AP1M1: variants seen among roughly 807,000 people sequenced by gnomAD.
The protein encoded by AP1M1 is AP-1 complex subunit mu-1.
A neutral mutation model predicts 57.1 loss-of-function variants in AP1M1; 18 were observed. That is an observed-to-expected ratio of 0.32 (90% CI 0.22 to 0.47). The LOEUF (loss-of-function observed/expected upper bound fraction) is 0.47, where lower values mean the gene tolerates loss of function less well. AP1M1 is among the 20% of genes least tolerant of loss of function. The pLI is 1.00. For missense variants in AP1M1, 362 were observed against 593.5 expected (o/e 0.61, Z 4.05); for synonymous variants, 241 against 237.9 (o/e 1.01, Z -0.12).
Position 16,234,651 on chromosome 19 carries a change from T to G in AP1M1, c.*216T>G. 1.6e-6 allele frequency: 1 copy of G among 613,316 alleles called. No homozygotes were observed. The highest frequency in any genetic ancestry group is 2.8e-5 in the East Asian group (1 of 36,244). The allele number at this position is 613,316 out of a possible 1,614,324, so 38.0% of individuals were successfully genotyped here. ...AGAAGAGGCTGGTCTTCAAGAAGTC[T>G]CGTTTCTTTGCCCCTGAAGTCAGTT... is the stretch of plus-strand genomic sequence containing the variant. On this transcript the variant is annotated 3_prime_UTR_variant, in exon 12 of 12. Coordinates refer to ENST00000291439, the MANE Select transcript of AP1M1 (RefSeq NM_032493.4).
rs1033812927 is a variant in AP1M1 at position 16,243,075 on chromosome 19, G to A, written c.*8640G>A. The A allele has an allele frequency of 1.3e-5, 2 of 151,904 alleles. No individual in the cohort carries two copies. The highest frequency in any genetic ancestry group is 4.8e-5 in the African/African-American group (2 of 41,366). 9.4% of individuals were successfully genotyped at this position (151,904 alleles called of 1,614,324 possible). A position where few individuals can be genotyped will look rare whatever the true frequency, so the allele number is the denominator to read the frequency against. On this transcript the variant is annotated 3_prime_UTR_variant, in exon 12 of 12. Coordinates refer to ENST00000291439, the MANE Select transcript of AP1M1 (RefSeq NM_032493.4). ...TGAGCCACCACACACGGCCAGAATA[G>A]ACTTTAAAGCAAGAAAGCAAAAGAA... is the stretch of plus-strand genomic sequence containing the variant.
chr19:16,209,800 G>C (rs778562722), intron 5 of AP1M1, among the ~76,000 whole-genome samples: 4 of 152,012 alleles, frequency 2.6e-5, no homozygotes, highest in Non-Finnish European at 5.9e-5. Context: ...TTGTTGTTTG[G>C]GTTTTGATTT....
Position 16,226,459 on chromosome 19 carries a change from G to C in AP1M1, c.585G>C (p.Val195=). The change falls in exon 6 of 12, where the codon GTG becomes GTC. Residue 195 remains valine, a synonymous_variant. Coordinates refer to ENST00000291439, the MANE Select transcript of AP1M1 (RefSeq NM_032493.4). The stretch of plus-strand genomic sequence containing the variant: ...GCAATGTCCTGCGCAGCGAGATCGT[G>C]GGCTCCATCAAGATGCGAGTCTTCC... ...ANGNVLRSEI[V]GSIKMRVFLS... is the part of the protein sequence containing the mutation. The C allele has an allele frequency of 6.4e-7, 1 of 1,573,734 alleles. No homozygotes were observed. The highest frequency in any genetic ancestry group is 8.6e-7 in the Non-Finnish European group (1 of 1,160,840).
At chr19:16,218,526 C>T (rs1390574859) in intron 5 of AP1M1, among the ~76,000 whole-genome samples, 1 of 152,202 alleles carries the variant, frequency 6.6e-6, no homozygotes, top group Non-Finnish European at 1.5e-5. Flanking sequence ...GGGTTCCCAG[C>T]CTCCTCCTCT....
intron 5 of AP1M1, among the ~76,000 whole-genome samples, chr19:16,216,255 T>C (rs1291006150): frequency 2.6e-5 from 4 of 152,164 alleles, no homozygotes; most frequent in East Asian, 1.9e-4. Context: ...ACCATCCTGG[T>C]GAACACAGTG....
At chr19:16,212,414 G>A (rs1263030743) in intron 5 of AP1M1, among the ~76,000 whole-genome samples, 1 of 152,154 alleles carries the variant, frequency 6.6e-6, no homozygotes, top group African/African-American at 2.4e-5. Context: ...GTCTCTAAGG[G>A]TTATTTGTAG....
chr19:16,199,048 T>G (rs2091436759), intron 1 of AP1M1, among the ~76,000 whole-genome samples: 1 of 152,170 alleles, frequency 6.6e-6, no homozygotes, highest in Non-Finnish European at 1.5e-5. Context: ...CCTCGAGTGA[T>G]CCACCTGTCT....
In AP1M1 at chr19:16,239,240, T is replaced by C. The variant is rs1399197657; in HGVS notation, c.*4805T>C. ...GAGCCACCGCGCCCGGCCAGTTCTC[T>C]TTTTTTTTTTTTTTTTTTTTTTTTT... On this transcript the variant is annotated 3_prime_UTR_variant, in exon 12 of 12. Coordinates refer to ENST00000291439, the MANE Select transcript of AP1M1 (RefSeq NM_032493.4). 4.1e-4 allele frequency: 3 copies of C among 7,392 alleles called. No homozygotes were observed. Among genetic ancestry groups the C allele is most frequent in the African/African-American group, 1.6e-3 (3 of 1,876 alleles). The allele number at this position is 7,392 out of a possible 1,614,324, so 0.5% of individuals were successfully genotyped here. A position where few individuals can be genotyped will look rare whatever the true frequency, so the allele number is the denominator to read the frequency against.
chr19:16,236,871 C>G lies in AP1M1; in HGVS notation c.*2436C>G, dbSNP rs2091627026. The G allele has an allele frequency of 6.6e-6, 1 of 151,536 alleles. No homozygotes were observed. The highest frequency in any genetic ancestry group is 2.1e-4 in the South Asian group (1 of 4,818). 9.4% of individuals were successfully genotyped at this position (151,536 alleles called of 1,614,324 possible). A position where few individuals can be genotyped will look rare whatever the true frequency, so the allele number is the denominator to read the frequency against. On this transcript the variant is annotated 3_prime_UTR_variant, in exon 12 of 12. Coordinates refer to ENST00000291439, the MANE Select transcript of AP1M1 (RefSeq NM_032493.4). ...AAATTACAAAACACGTGCATGAAAG[C>G]AAACTTGAAACAGCAGGATCAGATC...
intron 4 of AP1M1, 79 bp downstream of exon 4, chr19:16,208,228 G>A (rs1220573018): frequency 2.4e-5 from 36 of 1,470,228 alleles, no homozygotes; most frequent in Non-Finnish European, 3.0e-5. Context: ...GGAAACAGAA[G>A]GGGCAAATTT....
intron 9 of AP1M1, among the ~76,000 whole-genome samples, chr19:16,230,669 G>A (rs973599970): frequency 7.2e-5 from 11 of 152,154 alleles, no homozygotes; most frequent in African/African-American, 2.7e-4. Flanking sequence ...AAAGTGCTGA[G>A]ATTACAGGTG....
intron 5 of AP1M1, among the ~76,000 whole-genome samples, chr19:16,217,324 T>TTA (rs2091523149): frequency 6.6e-6 from 1 of 152,050 alleles, no homozygotes; most frequent in Non-Finnish European, 1.5e-5. Flanking sequence ...TGGGGTGCAC[T>TTA]TATGCTGGCA....
At chr19:16,218,340 C>T (rs1290543435) in intron 5 of AP1M1, among the ~76,000 whole-genome samples, 1 of 152,218 alleles carries the variant, frequency 6.6e-6, no homozygotes, top group African/African-American at 2.4e-5. Flanking sequence ...ATCACTACCA[C>T]TTCTTTAAGC....
chr19:16,221,405 G>A (rs376126607), intron 5 of AP1M1, among the ~76,000 whole-genome samples: 6 of 152,260 alleles, frequency 3.9e-5, no homozygotes, highest in Admixed American at 6.5e-5. Context: ...GAGGAAAGCC[G>A]TTTTTATCCC....
chr19:16,216,147 T>G (rs1301856644), intron 5 of AP1M1, among the ~76,000 whole-genome samples: 2 of 152,194 alleles, frequency 1.3e-5, no homozygotes, highest in African/African-American at 4.8e-5. Context: ...CTATCCATAT[T>G]CTGAAGTCTA....
At chr19:16,217,263 A>G (rs536335706) in intron 5 of AP1M1, among the ~76,000 whole-genome samples, 9 of 152,092 alleles carry the variant, frequency 5.9e-5, no homozygotes, top group African/African-American at 2.2e-4. Context: ...GGCGGGCTCT[A>G]TGCTGCCAAC....
At chr19:16,212,492 T>C (rs2091499383) in intron 5 of AP1M1, among the ~76,000 whole-genome samples, 1 of 152,212 alleles carries the variant, frequency 6.6e-6, no homozygotes, top group Admixed American at 6.5e-5. Flanking sequence ...TTTCTCTCTT[T>C]TCTTAATAGT....
chr19:16,216,709 A>C lies in AP1M1; in HGVS notation c.546+7532A>C, dbSNP rs920427721. Reference sequence around the variant, plus strand: ...GGAAGATTTTAGGGGACCAAGGCTCAGCTTAGGACTCCTGAACTGCATGCT... The same window carrying C: ...GGAAGATTTTAGGGGACCAAGGCTCCGCTTAGGACTCCTGAACTGCATGCT... On this transcript the variant is annotated intron_variant, in intron 5 of 11. Coordinates refer to ENST00000291439, the MANE Select transcript of AP1M1 (RefSeq NM_032493.4). Among the ~76,000 whole-genome samples the C allele has an allele frequency of 4.6e-5, 7 of 152,306 alleles. No homozygotes were observed. The South Asian group carries it at 1.4e-3, about 32-fold the overall frequency.
At chr19:16,233,382 T>G in intron 9 of AP1M1, 111 bp from the exon 10 acceptor site, 3 of 1,392,696 alleles carry the variant, frequency 2.2e-6, no homozygotes, top group Non-Finnish European at 2.8e-6. Context: ...CATGCTCCCC[T>G]CCCTGGACTG....
Sources: gnomAD v4.1 joint callset for allele counts (sites outside exome capture counted in the v4.1 genomes callset) on GRCh38, gnomAD v4.1.1 for gene constraint, MANE v1.5 for transcripts, NCBI Gene and HGNC (gene_info 2026-07-23, HGNC 2026-07-21) for gene names.